ABI3BP: variants seen among roughly 807,000 people sequenced by gnomAD.
ABI3BP encodes target of Nesh-SH3.
In ABI3BP, 216 loss-of-function variants were observed where a neutral mutation model predicts 268.6. The ratio of observed to expected loss-of-function variants is 0.80; its 90% CI spans 0.72 to 0.90. The LOEUF is 0.90. ABI3BP is among the 40% of genes least tolerant of loss of function. ABI3BP has a pLI of 0.00. For synonymous variants in ABI3BP, 730 were observed against 730.0 expected, an observed-to-expected ratio of 1.00 and a Z score of 0.00; for missense variants, 2,090 against 2,182.4, an observed-to-expected ratio of 0.96 and a Z score of 0.84.
At chr3:100,762,335 G>A (rs538477672) in intron 63 of ABI3BP, among the ~76,000 whole-genome samples, 1 of 152,308 alleles carries the variant, frequency 6.6e-6, no homozygotes, top group South Asian at 2.1e-4. Context: ...TCAGTAGTAA[G>A]TTTGAGAACT....
At chr3:100,901,697 C>T (rs1480945873) in intron 3 of ABI3BP, among the ~76,000 whole-genome samples, 3 of 150,916 alleles carry the variant, frequency 2.0e-5, no homozygotes, top group South Asian at 2.1e-4. Context: ...ACCTGGGAGG[C>T]GGAGCTTGCA....
chr3:100,874,121 C>G (rs1470186195), intron 9 of ABI3BP, among the ~76,000 whole-genome samples: 1 of 151,998 alleles, frequency 6.6e-6, no homozygotes, highest in Non-Finnish European at 1.5e-5. Flanking sequence ...CACCTGGAAA[C>G]TTGTCAGAAA....
chr3:100,935,943 A>G (rs2065931906), intron 1 of ABI3BP, among the ~76,000 whole-genome samples: 2 of 152,066 alleles, frequency 1.3e-5, no homozygotes, highest in African/African-American at 2.4e-5. Flanking sequence ...TTTGACTTCC[A>G]CTTTTCGTAC....
chr3:100,911,275 A>T, intron 2 of ABI3BP: 1 of 311,970 alleles, frequency 3.2e-6, no homozygotes, highest in Non-Finnish European at 6.3e-6. Context: ...GCTTTTAGAA[A>T]CATGTCTGTT....
chr3:100,950,647 T>A (rs1305166897), intron 1 of ABI3BP, among the ~76,000 whole-genome samples: 1 of 152,044 alleles, frequency 6.6e-6, no homozygotes, highest in Non-Finnish European at 1.5e-5. Flanking sequence ...ATATAAGGTG[T>A]AGACTATCAA....
At chr3:100,981,651 G>A (rs536953353) in intron 1 of ABI3BP, among the ~76,000 whole-genome samples, 3 of 152,316 alleles carry the variant, frequency 2.0e-5, no homozygotes, top group South Asian at 2.1e-4. Context: ...ATGTTTCACC[G>A]TAAAAGACAA....
chr3:100,955,256 A>G (rs1270485380), intron 1 of ABI3BP, among the ~76,000 whole-genome samples: 1 of 152,142 alleles, frequency 6.6e-6, no homozygotes, highest in Non-Finnish European at 1.5e-5. Context: ...TCCAAGTACA[A>G]TACTCCATGC....
At chr3:100,842,905 G>A (rs2152950495) in intron 20 of ABI3BP, among the ~76,000 whole-genome samples, 1 of 152,240 alleles carries the variant, frequency 6.6e-6, no homozygotes, top group South Asian at 2.1e-4. Flanking sequence ...CTTAAAGAAA[G>A]AAACTAATCA....
intron 29 of ABI3BP, among the ~76,000 whole-genome samples, chr3:100,833,746 C>T (rs144420985): frequency 1.7e-4 from 26 of 152,264 alleles, no homozygotes; most frequent in Middle Eastern, 3.4e-3. Flanking sequence ...GTTAGGAGAG[C>T]GTGCTGGAGC....
At chr3:100,774,862 T>C (rs1242400043) in intron 60 of ABI3BP, among the ~76,000 whole-genome samples, 189 bp from the exon 61 acceptor site, 4 of 152,210 alleles carry the variant, frequency 2.6e-5, no homozygotes, top group Non-Finnish European at 5.9e-5. Flanking sequence ...AGGTGTTCTA[T>C]AGTGTGAGTA....
intron 1 of ABI3BP, 102 bp downstream of exon 1, chr3:100,993,204 C>G (rs1224880381): frequency 3.6e-6 from 3 of 829,800 alleles, no homozygotes; most frequent in East Asian, 2.8e-5. Flanking sequence ...CAGAATAACT[C>G]TATTCCCCCC....
chr3:100,960,619 C>G (rs927517560), intron 1 of ABI3BP, among the ~76,000 whole-genome samples: 3 of 152,172 alleles, frequency 2.0e-5, no homozygotes, highest in Non-Finnish European at 2.9e-5. Flanking sequence ...AGAACTTTCT[C>G]TGGCTGCAAG....
intron 57 of ABI3BP, among the ~76,000 whole-genome samples, chr3:100,783,650 C>T (rs1483998540): frequency 6.6e-6 from 1 of 152,150 alleles, no homozygotes; most frequent in African/African-American, 2.4e-5. Flanking sequence ...AAACAGTCTG[C>T]CAACCCCATG....
intron 16 of ABI3BP, among the ~76,000 whole-genome samples, chr3:100,850,437 G>A (rs568041117): frequency 5.1e-4 from 77 of 152,100 alleles, no homozygotes; most frequent in Non-Finnish European, 8.7e-4. Flanking sequence ...CAACTAAAAG[G>A]ATAGGGAAAA....
At chr3:100,827,256 A>C (rs1257313581) in intron 34 of ABI3BP, among the ~76,000 whole-genome samples, 1 of 152,156 alleles carries the variant, frequency 6.6e-6, no homozygotes. Context: ...CTGCGAAGTA[A>C]AACATGTCTT....
At chr3:100,965,367 G>C (rs1320875151) in intron 1 of ABI3BP, among the ~76,000 whole-genome samples, 1 of 151,968 alleles carries the variant, frequency 6.6e-6, no homozygotes, top group Non-Finnish European at 1.5e-5. Context: ...TAAATATCAG[G>C]GTTCATAAAA....
At chr3:100,963,783 T>C (rs147040697) in intron 1 of ABI3BP, among the ~76,000 whole-genome samples, 241 of 152,322 alleles carry the variant, frequency 1.6e-3, no homozygotes, top group South Asian at 3.1e-3. Context: ...TGCTCAGAGC[T>C]GGTCTCTCTC....
Position 100,770,807 on chromosome 3 carries a change from G to C in ABI3BP, c.4677C>G (p.Thr1559=), listed in dbSNP as rs1304137764. The C allele has an allele frequency of 6.3e-7, 1 of 1,587,178 alleles. No individual in the cohort carries two copies. The highest frequency in any genetic ancestry group is 8.6e-7 in the Non-Finnish European group (1 of 1,167,342). The change falls in exon 62 of 68, where the codon ACC becomes ACG. Residue 1559 remains threonine, a synonymous_variant. Transcript: ENST00000471714. Reference sequence around the variant, plus strand: ...TGACAAATGAGGGGCACCCTTCCACGGTGACCACAGTGAGGTTGGTGGGTG... The same window carrying C: ...TGACAAATGAGGGGCACCCTTCCACCGTGACCACAGTGAGGTTGGTGGGTG... ...QNPPTNLTVV[T]VEGCPSFVIL...
At chr3:100,936,426 C>T (rs1489257293) in intron 1 of ABI3BP, among the ~76,000 whole-genome samples, 5 of 152,028 alleles carry the variant, frequency 3.3e-5, no homozygotes, top group Non-Finnish European at 7.4e-5. Context: ...AGGATATTGG[C>T]CTGAAATTTT....
Sources: gnomAD v4.1 joint callset for allele counts (sites outside exome capture counted in the v4.1 genomes callset) on GRCh38, gnomAD v4.1.1 for gene constraint, MANE v1.5 for transcripts, NCBI Gene and HGNC (gene_info 2026-07-23, HGNC 2026-07-21) for gene names.